The following PTPRM variants were observed in gnomAD, a reference collection of about 807,000 sequenced individuals.
The protein encoded by PTPRM is receptor-type tyrosine-protein phosphatase mu.
PTPRM carries 47 observed loss-of-function variants against 186.7 expected under a neutral mutation model. The ratio of observed to expected loss-of-function variants is 0.25; its 90% confidence interval spans 0.20 to 0.32. The LOEUF (loss-of-function observed/expected upper bound fraction) is 0.32. Ranked by LOEUF, PTPRM falls within the 10% of genes least tolerant of loss-of-function variation. PTPRM has a pLI of 1.00. For synonymous variants in PTPRM, 668 were observed against 674.9 expected (o/e 0.99, Z 0.16); for missense variants, 1,494 against 1,865.0 (o/e 0.80, Z 3.66).
At chr18:7,797,795 A>G (rs766745166) in intron 2 of PTPRM, among the ~76,000 whole-genome samples, 1 of 152,186 alleles carries the variant, frequency 6.6e-6, no homozygotes, top group African/African-American at 2.4e-5. Context: ...GTTTCAGGCA[A>G]TCTAGTGTGT....
At chr18:7,985,043 ATATAAT>A (rs1408594543) in intron 7 of PTPRM, among the ~76,000 whole-genome samples, 2 of 127,162 alleles carry the variant, frequency 1.6e-5, no homozygotes, top group African/African-American at 3.1e-5. Flanking sequence ...AAATATATAC[ATATAAT>A]TATATATACA....
chr18:8,243,042 A>C (rs984486666), intron 14 of PTPRM, among the ~76,000 whole-genome samples: 1 of 152,186 alleles, frequency 6.6e-6, no homozygotes, highest in Non-Finnish European at 1.5e-5. Flanking sequence ...CCTTCTCCTT[A>C]GGCATCTCTA....
At chr18:8,261,227 C>A (rs1022266907) in intron 19 of PTPRM, among the ~76,000 whole-genome samples, 1 of 152,142 alleles carries the variant, frequency 6.6e-6, no homozygotes, top group Non-Finnish European at 1.5e-5. Context: ...CAAAACCAAA[C>A]CATTGAAGGC....
intron 2 of PTPRM, among the ~76,000 whole-genome samples, chr18:7,857,521 C>T (rs140866592): frequency 5.9e-5 from 9 of 152,196 alleles, no homozygotes; most frequent in Non-Finnish European, 1.2e-4. Flanking sequence ...TGCTGAAAGA[C>T]GTATGAGAAT....
At chr18:8,240,483 GA>G (rs1362995002) in intron 14 of PTPRM, among the ~76,000 whole-genome samples, 263 of 20,700 alleles carry the variant, frequency 0.013, 15 homozygotes, top group African/African-American at 0.053. Flanking sequence ...GGGAGGGGAG[GA>G]GAGAGAGAGA....
chr18:7,676,655 G>A (rs761060201), intron 1 of PTPRM, among the ~76,000 whole-genome samples: 1,682 of 133,602 alleles, frequency 0.013, 30 homozygotes, highest in African/African-American at 0.056. Flanking sequence ...GTGTGTGTGT[G>A]TGTGTGTATG....
chr18:7,796,715 T>TC (rs2043673908), intron 2 of PTPRM, among the ~76,000 whole-genome samples: 1 of 152,162 alleles, frequency 6.6e-6, no homozygotes, highest in South Asian at 2.1e-4. Context: ...ATCACTGGGT[T>TC]CAGATTCACC....
At chr18:7,600,658 C>G (rs1254910543) in intron 1 of PTPRM, among the ~76,000 whole-genome samples, 1 of 152,224 alleles carries the variant, frequency 6.6e-6, no homozygotes, top group African/African-American at 2.4e-5. Context: ...ATTCAGCAGT[C>G]TCTCCACTCC....
At chr18:7,762,553 A>ATT (rs2041827745) in intron 1 of PTPRM, among the ~76,000 whole-genome samples, 1 of 152,208 alleles carries the variant, frequency 6.6e-6, no homozygotes, top group Non-Finnish European at 1.5e-5. Context: ...TCCGATGGAC[A>ATT]ATAAAGGGCT....
chr18:7,904,931 A>G (rs1483304679), intron 3 of PTPRM, among the ~76,000 whole-genome samples: 1 of 152,200 alleles, frequency 6.6e-6, no homozygotes, highest in Admixed American at 6.5e-5. Flanking sequence ...CTTTTAGTCA[A>G]TTAATCAGAT....
chr18:8,123,481 G>A (rs578224304), intron 13 of PTPRM, among the ~76,000 whole-genome samples: 1 of 152,306 alleles, frequency 6.6e-6, no homozygotes, highest in Non-Finnish European at 1.5e-5. Flanking sequence ...GTAAAGAAAT[G>A]TAAAATAATT....
intron 24 of PTPRM, among the ~76,000 whole-genome samples, chr18:8,373,487 T>C (rs2095676183): frequency 6.6e-6 from 1 of 152,182 alleles, no homozygotes; most frequent in African/African-American, 2.4e-5. Context: ...GAAGTCTCCA[T>C]GCATTTAGGC....
chr18:8,350,951 G>A (rs559301459), intron 23 of PTPRM, among the ~76,000 whole-genome samples: 6 of 152,236 alleles, frequency 3.9e-5, no homozygotes, highest in East Asian at 1.9e-4. Context: ...GCCTCTAGTC[G>A]CAGGGGTCTA....
intron 2 of PTPRM, among the ~76,000 whole-genome samples, chr18:7,830,671 A>C (rs1373933663): frequency 6.6e-6 from 1 of 152,142 alleles, no homozygotes; most frequent in Non-Finnish European, 1.5e-5. Flanking sequence ...GATATGTTCT[A>C]TTTCCCAAGG....
chr18:7,695,202 C>G (rs1460826653), intron 1 of PTPRM, among the ~76,000 whole-genome samples: 1 of 152,198 alleles, frequency 6.6e-6, no homozygotes, highest in Non-Finnish European at 1.5e-5. Flanking sequence ...AATCACTTAT[C>G]AAGCAAACCT....
chr18:7,617,183 G>T (rs1260587825), intron 1 of PTPRM, among the ~76,000 whole-genome samples: 1 of 152,132 alleles, frequency 6.6e-6, no homozygotes, highest in Non-Finnish European at 1.5e-5. Flanking sequence ...TGGAAGTGCC[G>T]AGATCATTAT....
chr18:7,770,009 C>T (rs1163782227), intron 1 of PTPRM, among the ~76,000 whole-genome samples: 1 of 152,028 alleles, frequency 6.6e-6, no homozygotes, highest in Non-Finnish European at 1.5e-5. Context: ...GTCGTGATTC[C>T]CCCCTGTGAA....
intron 1 of PTPRM, among the ~76,000 whole-genome samples, chr18:7,708,296 C>A (rs1484275576): frequency 6.6e-6 from 1 of 152,166 alleles, no homozygotes; most frequent in Non-Finnish European, 1.5e-5. Context: ...GTATAATTGA[C>A]AGCTAGTAAA....
chr18:8,140,145 G>C (rs913713818), intron 13 of PTPRM, among the ~76,000 whole-genome samples: 3 of 152,128 alleles, frequency 2.0e-5, no homozygotes, highest in African/African-American at 4.8e-5. Flanking sequence ...CGTTCACTCG[G>C]GGTGAAAGCA....
Sources: gnomAD v4.1 joint callset for allele counts (sites outside exome capture counted in the v4.1 genomes callset) on GRCh38, gnomAD v4.1.1 for gene constraint, MANE v1.5 for transcripts, NCBI Gene and HGNC (gene_info 2026-07-23, HGNC 2026-07-21) for gene names.